FBXL17: variants seen among roughly 807,000 people sequenced by gnomAD.
FBXL17 encodes the protein F-box and leucine rich repeat protein 17.
Under a neutral mutation model 66.2 loss-of-function variants are expected in FBXL17, and 22 were observed. The ratio of observed to expected loss-of-function variants is 0.33; its 90% CI spans 0.24 to 0.47. The LOEUF (loss-of-function observed/expected upper bound fraction) is 0.47. FBXL17 is among the 20% of genes least tolerant of loss of function. The probability of loss-of-function intolerance (pLI) is 1.00; values close to 1 mark genes in which losing one functional copy is unlikely to be tolerated. For synonymous variants in FBXL17, 474 were observed against 400.5 expected (o/e 1.18, Z -2.19); for missense variants, 878 against 948.2 (o/e 0.93, Z 0.97).
intron 6 of FBXL17, among the ~76,000 whole-genome samples, chr5:108,154,438 A>C (rs1360019549): frequency 6.6e-6 from 1 of 151,228 alleles, no homozygotes; most frequent in South Asian, 2.1e-4. Flanking sequence ...TAAAAACACA[A>C]AATTAGCTGG....
chr5:107,996,104 T>A (rs557727683), intron 7 of FBXL17, among the ~76,000 whole-genome samples: 1 of 152,334 alleles, frequency 6.6e-6, no homozygotes, highest in African/African-American at 2.4e-5. Flanking sequence ...TCAAAAAACA[T>A]GACAAATGTC....
chr5:107,903,223 A>C (rs1170106915), intron 7 of FBXL17, among the ~76,000 whole-genome samples: 1 of 152,138 alleles, frequency 6.6e-6, no homozygotes, highest in Non-Finnish European at 1.5e-5. Context: ...TTTGCTTTTG[A>C]TTTTCAATTT....
intron 7 of FBXL17, among the ~76,000 whole-genome samples, chr5:108,008,850 T>C (rs901772329): frequency 5.3e-5 from 8 of 151,978 alleles, no homozygotes; most frequent in Admixed American, 2.0e-4. Context: ...AAGGAAGGGA[T>C]TGGATCCTAT....
At chr5:108,166,772 T>A (rs1317917939) in intron 6 of FBXL17, among the ~76,000 whole-genome samples, 1 of 152,154 alleles carries the variant, frequency 6.6e-6, no homozygotes, top group African/African-American at 2.4e-5. Context: ...AAATTAAATA[T>A]AAACACTCAA....
chr5:108,081,699 G>T (rs550745548), intron 6 of FBXL17, among the ~76,000 whole-genome samples: 3 of 152,026 alleles, frequency 2.0e-5, no homozygotes, highest in Non-Finnish European at 4.4e-5. Flanking sequence ...TTCCAGCCTG[G>T]GCGACAGAGT....
chr5:108,138,587 T>C (rs1379143984), intron 6 of FBXL17, among the ~76,000 whole-genome samples: 2 of 152,196 alleles, frequency 1.3e-5, no homozygotes, highest in Admixed American at 1.3e-4. Flanking sequence ...AAAGATAAAT[T>C]ACAGGTAGTC....
intron 4 of FBXL17, among the ~76,000 whole-genome samples, chr5:108,226,068 C>CT (rs2150078810): frequency 6.6e-6 from 1 of 152,290 alleles, no homozygotes; most frequent in South Asian, 2.1e-4. Flanking sequence ...TAGTCCCTCT[C>CT]TGTGTCTCAC....
At chr5:107,890,698 G>A (rs895729211) in intron 7 of FBXL17, among the ~76,000 whole-genome samples, 4 of 151,520 alleles carry the variant, frequency 2.6e-5, no homozygotes, top group African/African-American at 9.7e-5. Flanking sequence ...AACCTACTAT[G>A]TATCAGAGTA....
intron 6 of FBXL17, among the ~76,000 whole-genome samples, chr5:108,134,215 AC>A (rs1448573335): frequency 6.6e-6 from 1 of 151,940 alleles, no homozygotes; most frequent in East Asian, 1.9e-4. Context: ...TGAACAAAAA[AC>A]CCCCAAACTC....
intron 4 of FBXL17, among the ~76,000 whole-genome samples, chr5:108,304,511 G>T (rs1758744127): frequency 6.6e-6 from 1 of 151,660 alleles, no homozygotes; most frequent in African/African-American, 2.4e-5. Flanking sequence ...ACTAAGATTA[G>T]TAAAAAAACA....
intron 4 of FBXL17, among the ~76,000 whole-genome samples, chr5:108,310,355 G>T (rs1337432248): frequency 6.6e-6 from 1 of 151,954 alleles, no homozygotes; most frequent in Non-Finnish European, 1.5e-5. Flanking sequence ...CAAATATCTT[G>T]ACCTCAATTA....
chr5:107,938,362 A>C (rs1318655791), intron 7 of FBXL17, among the ~76,000 whole-genome samples: 4 of 152,026 alleles, frequency 2.6e-5, no homozygotes. Context: ...GGTAGCTCAT[A>C]CTGAGAAAAA....
In FBXL17 at chr5:108,169,339, G is replaced by A. The variant is rs140171035; in HGVS notation, c.1745+16778C>T. 8.7e-4 allele frequency among the ~76,000 whole-genome samples: 132 copies of A among 152,242 alleles called. 1 individual carries two copies. The highest frequency in any genetic ancestry group is 1.4e-3 in the Non-Finnish European group (94 of 68,020). On this transcript the variant is annotated intron_variant, in intron 6 of 8. Coordinates refer to ENST00000542267, the MANE Select transcript of FBXL17 (RefSeq NM_001163315.3). ...CATCCAAAATATTAACTCTATGTAA[G>A]TAATATCTATTTCCTCAAAGATAGT... is the stretch of plus-strand genomic sequence containing the variant.
chr5:108,065,286 T>A (rs1748076414), intron 6 of FBXL17, among the ~76,000 whole-genome samples: 1 of 152,228 alleles, frequency 6.6e-6, no homozygotes, highest in Non-Finnish European at 1.5e-5. Context: ...ATAGAAGTTT[T>A]AAGTTTTAAC....
chr5:107,935,407 A>ATGTGTGTG (rs1180619112), intron 7 of FBXL17, among the ~76,000 whole-genome samples: 67 of 31,178 alleles, frequency 2.1e-3, no homozygotes, highest in African/African-American at 0.011. Flanking sequence ...CTTTATATAT[A>ATGTGTGTG]TATATGTGTG....
intron 6 of FBXL17, among the ~76,000 whole-genome samples, chr5:108,153,876 G>A (rs893190820): frequency 1.8e-4 from 28 of 152,104 alleles, no homozygotes; most frequent in African/African-American, 5.1e-4. Flanking sequence ...CTCAAACACC[G>A]TTTATACCTG....
intron 6 of FBXL17, among the ~76,000 whole-genome samples, chr5:108,152,123 C>A (rs1379149733): frequency 6.6e-6 from 1 of 152,178 alleles, no homozygotes. Flanking sequence ...CAACTCCATG[C>A]ACTCTCTCAA....
intron 7 of FBXL17, among the ~76,000 whole-genome samples, chr5:107,892,852 G>T (rs1350034042): frequency 6.6e-6 from 1 of 152,126 alleles, no homozygotes; most frequent in African/African-American, 2.4e-5. Flanking sequence ...CCTTAAGAAA[G>T]GCAAAGGAAA....
chr5:108,367,720 C>G, intron 2 of FBXL17, 111 bp downstream of exon 2: 1 of 902,438 alleles, frequency 1.1e-6, no homozygotes, highest in Non-Finnish European at 1.6e-6. Flanking sequence ...TTGTAGATTA[C>G]AGTGATTTGA....
Sources: allele counts gnomAD v4.1 joint callset (sites outside exome capture counted in the v4.1 genomes callset), GRCh38; gene constraint gnomAD v4.1.1; transcripts MANE v1.5; gene names NCBI Gene and HGNC (gene_info 2026-07-23, HGNC 2026-07-21).